The following MTO1 variants were observed in gnomAD, a reference collection of about 807,000 sequenced individuals.
The protein encoded by MTO1 is 5-taurinomethyluridine-[tRNA] synthase subunit MTO1, mitochondrial.
MTO1 carries 46 observed loss-of-function variants against 71.6 expected under a neutral mutation model. The ratio of observed to expected loss-of-function variants is 0.64; its 90% CI spans 0.51 to 0.82. The LOEUF (loss-of-function observed/expected upper bound fraction) is 0.82. MTO1 is among the 40% of genes least tolerant of loss of function. The pLI is 0.00. For synonymous variants in MTO1, 297 were observed against 312.1 expected (o/e 0.95, Z 0.51); for missense variants, 773 against 867.5 (o/e 0.89, Z 1.37).
intron 11 of MTO1, among the ~76,000 whole-genome samples, chr6:73,498,493 A>G (rs1244521519): frequency 2.0e-5 from 3 of 151,366 alleles, no homozygotes; most frequent in Non-Finnish European, 4.4e-5. Flanking sequence ...TAGGAGTTCC[A>G]TAGTGTTGCC....
At chr6:73,480,244 A>G (rs1582684986) in intron 6 of MTO1, 118 bp downstream of exon 6, 10 of 979,764 alleles carry the variant, frequency 1.0e-5, no homozygotes, top group Admixed American at 2.0e-5. Flanking sequence ...CCCAACACCT[A>G]TACATTTTAA....
rs564238504 is a variant in MTO1, at chr6:73,482,834, C to T, written c.1637+214C>T. 5.4e-5 allele frequency among the ~76,000 whole-genome samples: 8 copies of T among 147,496 alleles called. No homozygotes were observed. The South Asian group carries it at 1.7e-3, about 32-fold the overall frequency. On this transcript the variant is annotated intron_variant, in intron 9 of 11. Coordinates refer to ENST00000498286, the MANE Select transcript of MTO1 (RefSeq NM_012123.4). ...TTTGAGACAGTCTCGCTCTTTCACC[C>T]AGGCCAGACTGCAGTGGTGCGATCT... is the stretch of plus-strand genomic sequence containing the variant.
intron 9 of MTO1, among the ~76,000 whole-genome samples, chr6:73,484,303 A>G (rs564844769): frequency 6.6e-6 from 1 of 152,174 alleles, no homozygotes; most frequent in Admixed American, 6.6e-5. Flanking sequence ...TTTATAAACA[A>G]CAGTAATTTA....
At chr6:73,462,168 A>C in intron 1 of MTO1, 97 bp downstream of exon 1, 5 of 1,308,248 alleles carry the variant, frequency 3.8e-6, no homozygotes, top group Non-Finnish European at 5.3e-6. Context: ...CCTTTCCTCA[A>C]AGCTAGTGAG....
intron 4 of MTO1, among the ~76,000 whole-genome samples, 191 bp downstream of exon 4, chr6:73,473,845 G>A (rs1248336336): frequency 6.7e-6 from 1 of 148,932 alleles, no homozygotes; most frequent in Non-Finnish European, 1.5e-5. Context: ...GGAGTGCAGT[G>A]GTACAATTAT....
chr6:73,462,321 G>C (rs1046945156), intron 1 of MTO1: 2 of 556,814 alleles, frequency 3.6e-6, no homozygotes, highest in Middle Eastern at 4.7e-4. Flanking sequence ...TTGGGGTTCG[G>C]GGTCAGTGCC....
chr6:73,499,373 T>G (rs532791128), intron 11 of MTO1, among the ~76,000 whole-genome samples: 1 of 152,072 alleles, frequency 6.6e-6, no homozygotes, highest in East Asian at 1.9e-4. Flanking sequence ...TAAAATTAAA[T>G]AGGCCAGGTG....
chr6:73,472,970 G>A (rs1159499703), intron 3 of MTO1, among the ~76,000 whole-genome samples: 1 of 152,108 alleles, frequency 6.6e-6, no homozygotes, highest in Non-Finnish European at 1.5e-5. Context: ...TTGATCCATG[G>A]TAACAATTTA....
intron 9 of MTO1, among the ~76,000 whole-genome samples, 169 bp downstream of exon 9, chr6:73,482,789 CTTTTTTT>C (rs35121302): frequency 1.1e-5 from 1 of 92,148 alleles, no homozygotes; most frequent in Non-Finnish European, 2.0e-5. Flanking sequence ...TTTTTTCTTT[CTTTTTTT>C]TTTTTTTTTT....
rs962291208 is a variant in MTO1, at chr6:73,501,927, T to C, written c.*1192T>C. 6.6e-6 allele frequency: 1 copy of C among 152,178 alleles called. No homozygotes were observed. The highest frequency in any genetic ancestry group is 1.5e-5 in the Non-Finnish European group (1 of 68,034). The allele number at this position is 152,178 out of a possible 1,614,324, so 9.4% of individuals were successfully genotyped here. A position where few individuals can be genotyped will look rare whatever the true frequency, so the allele number is the denominator to read the frequency against. On this transcript the variant is annotated 3_prime_UTR_variant, in exon 12 of 12. Transcript: ENST00000498286. ...TGCATATGGCCACTTGGAGGTAGCT[T>C]AGTTTTCTTGGGTTTATTTTATCTA...
At chr6:73,497,681 T>C in intron 10 of MTO1, 55 bp from the exon 11 acceptor site, 1 of 1,511,916 alleles carries the variant, frequency 6.6e-7, no homozygotes. Flanking sequence ...TAAATGTAAG[T>C]TGTTAGTATA....
In MTO1 at chr6:73,473,461, G is replaced by C. The variant is rs1160009189; in HGVS notation, c.632G>C (p.Gly211Ala). ...IVIGLETHPA[G>A]RLGDQPSIGL... ...ATTGGATTGGAGACGCATCCAGCAG[G>C]ACGTTTAGGGGATCAGCCTTCTATA... Residue 211 changes from glycine to alanine, a missense_variant, in exon 4 of 12, where the codon GGA becomes GCA. Gly to Ala is a moderately conservative substitution (Grantham distance 60). Coordinates refer to ENST00000498286, the MANE Select transcript of MTO1 (RefSeq NM_012123.4). 1.2e-6 allele frequency: 2 copies of C among 1,614,160 alleles called. No homozygotes were observed. The highest frequency in any genetic ancestry group is 1.7e-6 in the Non-Finnish European group (2 of 1,180,032).
chr6:73,495,434 G>T (rs2150043896), intron 10 of MTO1, among the ~76,000 whole-genome samples: 1 of 152,070 alleles, frequency 6.6e-6, no homozygotes, highest in African/African-American at 2.4e-5. Flanking sequence ...TTCAGGTTAG[G>T]ATAATCCAGA....
At chr6:73,481,116 G>C (rs899874626) in intron 7 of MTO1, 3 of 313,678 alleles carry the variant, frequency 9.6e-6, no homozygotes, top group Non-Finnish European at 1.8e-5. Flanking sequence ...ACAACACCCA[G>C]GTAATTTTTG....
At chr6:73,462,113 G>A in intron 1 of MTO1, 42 bp downstream of exon 1, 1 of 1,591,450 alleles carries the variant, frequency 6.3e-7, no homozygotes, top group Non-Finnish European at 8.6e-7. Context: ...TAGGACGCAG[G>A]CTGCTTCCTT....
chr6:73,491,661 G>T (rs984629383), intron 9 of MTO1, among the ~76,000 whole-genome samples: 1 of 152,108 alleles, frequency 6.6e-6, no homozygotes, highest in Admixed American at 6.6e-5. Context: ...CTTGTTATGA[G>T]ATGATATTCT....
intron 9 of MTO1, among the ~76,000 whole-genome samples, chr6:73,489,459 C>T (rs1374321599): frequency 5.4e-5 from 7 of 129,602 alleles, no homozygotes; most frequent in African/African-American, 1.4e-4. Flanking sequence ...CAACAGGCCC[C>T]GGCATGTGAT....
chr6:73,466,097 A>AT (rs1770976975), intron 1 of MTO1, 112 bp from the exon 2 acceptor site: 6 of 1,031,240 alleles, frequency 5.8e-6, no homozygotes, highest in Admixed American at 2.4e-5. Context: ...CACGTTTTCT[A>AT]TTTTTTATCA....
chr6:73,484,637 G>T (rs1467906687), intron 9 of MTO1, among the ~76,000 whole-genome samples: 3 of 152,014 alleles, frequency 2.0e-5, no homozygotes, highest in Non-Finnish European at 4.4e-5. Flanking sequence ...CTAGCTAACT[G>T]GCTTACACTA....
Sources: allele counts gnomAD v4.1 joint callset (sites outside exome capture counted in the v4.1 genomes callset), GRCh38; gene constraint gnomAD v4.1.1; transcripts MANE v1.5; gene names NCBI Gene and HGNC (gene_info 2026-07-23, HGNC 2026-07-21).